Variants in MMP16 observed in about 807,000 individuals in gnomAD.
MMP16 encodes matrix metallopeptidase 16.
In MMP16, 12 loss-of-function variants were observed where a neutral mutation model predicts 67.8. That is an observed-to-expected ratio of 0.18 (90% CI 0.11 to 0.29). The LOEUF is 0.29. MMP16 is among the 10% of genes least tolerant of loss of function. MMP16 has a pLI of 1.00. For missense variants in MMP16, 475 were observed against 765.7 expected, an observed-to-expected ratio of 0.62 and a Z score of 4.48; for synonymous variants, 249 against 255.9, an observed-to-expected ratio of 0.97 and a Z score of 0.26.
intron 8 of MMP16, among the ~76,000 whole-genome samples, chr8:88,051,527 G>C (rs28531917): frequency 0.23 from 35,188 of 151,930 alleles, 4,188 homozygotes; most frequent in East Asian, 0.29. Context: ...CTTAATCAAT[G>C]CCCCAAAGTC....
chr8:88,075,943 AC>A (rs1808642600), intron 6 of MMP16, among the ~76,000 whole-genome samples: 2 of 124,908 alleles, frequency 1.6e-5, no homozygotes, highest in Admixed American at 1.5e-4. Context: ...ATTCATACAC[AC>A]ACACACACAC....
chr8:88,282,178 G>A (rs1373207758), intron 1 of MMP16, among the ~76,000 whole-genome samples: 1 of 150,606 alleles, frequency 6.6e-6, no homozygotes, highest in African/African-American at 2.5e-5. Context: ...GGACTCAAGC[G>A]ATTCTCCTGC....
At chr8:88,089,941 T>C (rs972763842) in intron 6 of MMP16, among the ~76,000 whole-genome samples, 5 of 152,050 alleles carry the variant, frequency 3.3e-5, no homozygotes, top group Non-Finnish European at 5.9e-5. Context: ...AAATTCCTTT[T>C]TGCTCAATCA....
intron 8 of MMP16, among the ~76,000 whole-genome samples, chr8:88,051,663 A>T (rs1808272818): frequency 6.6e-6 from 1 of 152,188 alleles, no homozygotes; most frequent in Non-Finnish European, 1.5e-5. Context: ...CATAACACTT[A>T]AGCTGGAAGA....
intron 7 of MMP16, among the ~76,000 whole-genome samples, chr8:88,065,016 C>T (rs1006242129): frequency 6.6e-6 from 1 of 152,078 alleles, no homozygotes; most frequent in African/African-American, 2.4e-5. Flanking sequence ...CAGCCTCCCA[C>T]CAAAGACTGA....
intron 2 of MMP16, among the ~76,000 whole-genome samples, chr8:88,196,036 G>A (rs1049232351): frequency 1.3e-5 from 2 of 152,114 alleles, no homozygotes; most frequent in African/African-American, 4.8e-5. Context: ...GGTATTTAAG[G>A]TTTAAAAAGA....
At chr8:88,076,872 T>C (rs972839647) in intron 6 of MMP16, among the ~76,000 whole-genome samples, 12 of 152,114 alleles carry the variant, frequency 7.9e-5, no homozygotes, top group Admixed American at 7.9e-4. Context: ...CTCTCCAAGC[T>C]GAAGAATGGG....
Position 88,196,086 on chromosome 8 carries a change from G to A in MMP16, c.281+1072C>T, listed in dbSNP as rs80015352. On this transcript the variant is annotated intron_variant, in intron 2 of 9. Transcript: ENST00000286614. ...TTTCTCAAGGTATATAGCAGGGCAAGTTCCCCAGATCAAATGTCAAAAGAC... is the reference window on the plus strand; with the variant it reads ...TTTCTCAAGGTATATAGCAGGGCAAATTCCCCAGATCAAATGTCAAAAGAC... Among the ~76,000 whole-genome samples, 11 of 152,304 alleles carry A rather than the reference G, an allele frequency of 7.2e-5. No homozygotes were observed. The East Asian group carries it at 2.1e-3, about 29-fold the overall frequency.
At chr8:88,228,135 A>C (rs1809799574) in intron 1 of MMP16, among the ~76,000 whole-genome samples, 1 of 152,122 alleles carries the variant, frequency 6.6e-6, no homozygotes. Flanking sequence ...CAATGCTAAA[A>C]AGGGAGCACT....
intron 1 of MMP16, among the ~76,000 whole-genome samples, chr8:88,295,734 TA>T (rs1811002309): frequency 6.6e-6 from 1 of 152,216 alleles, no homozygotes; most frequent in African/African-American, 2.4e-5. Flanking sequence ...TCTGTTTTTC[TA>T]AAACACATGT....
intron 5 of MMP16, among the ~76,000 whole-genome samples, chr8:88,118,323 T>G (rs1294467328): frequency 6.6e-6 from 1 of 152,032 alleles, no homozygotes; most frequent in Non-Finnish European, 1.5e-5. Context: ...TGTAGAAAAG[T>G]CTCAGCATTT....
chr8:88,141,826 T>C (rs1385558664), intron 4 of MMP16, among the ~76,000 whole-genome samples: 1 of 152,098 alleles, frequency 6.6e-6, no homozygotes, highest in African/African-American at 2.4e-5. Flanking sequence ...TTAAGTTCTT[T>C]AAAAATGTTC....
intron 4 of MMP16, among the ~76,000 whole-genome samples, chr8:88,151,725 G>A (rs996656512): frequency 6.6e-6 from 1 of 151,684 alleles, no homozygotes; most frequent in Non-Finnish European, 1.5e-5. Context: ...TGTGTAGAGG[G>A]AAATTTATAG....
At chr8:88,321,432 T>C (rs1296689354) in intron 1 of MMP16, among the ~76,000 whole-genome samples, 1 of 152,180 alleles carries the variant, frequency 6.6e-6, no homozygotes, top group African/African-American at 2.4e-5. Context: ...TGGCACTAAA[T>C]TATATTTTTT....
chr8:88,102,828 A>T (rs2118383570), intron 6 of MMP16, among the ~76,000 whole-genome samples: 1 of 151,912 alleles, frequency 6.6e-6, no homozygotes, highest in Admixed American at 6.6e-5. Flanking sequence ...CACTTGCCCA[A>T]ATCTCTTTTT....
At chr8:88,080,039 A>G (rs1200886563) in intron 6 of MMP16, among the ~76,000 whole-genome samples, 1 of 152,230 alleles carries the variant, frequency 6.6e-6, no homozygotes, top group Non-Finnish European at 1.5e-5. Context: ...TTGACTTCAC[A>G]GCACTTACAC....
At chr8:88,132,133 A>AT (rs1210906569) in intron 4 of MMP16, among the ~76,000 whole-genome samples, 10 of 151,822 alleles carry the variant, frequency 6.6e-5, no homozygotes, top group Admixed American at 1.3e-4. Context: ...AGAAATAGAG[A>AT]TTTTTTAAAA....
intron 4 of MMP16, among the ~76,000 whole-genome samples, chr8:88,157,223 C>T (rs978102136): frequency 2.6e-5 from 4 of 152,098 alleles, no homozygotes; most frequent in African/African-American, 9.7e-5. Context: ...CAGATATGTA[C>T]AGACTCTTTA....
In MMP16 at chr8:88,034,076, A is replaced by G. The variant is rs543491101; in HGVS notation, c.*7385T>C. 7 of 152,110 alleles carry G rather than the reference A, an allele frequency of 4.6e-5. No homozygotes were observed. The South Asian group carries it at 6.2e-4, about 14-fold the overall frequency. The allele number at this position is 152,110 out of a possible 1,614,324, so 9.4% of individuals were successfully genotyped here. ...GCTCTATAAAAAGTTAGAAAAGCCA[A>G]TGAGAGAGGTTGGGATGTATGTCAA... On this transcript the variant is annotated 3_prime_UTR_variant, in exon 10 of 10. Coordinates refer to ENST00000286614, the MANE Select transcript of MMP16 (RefSeq NM_005941.5).
Sources: gnomAD v4.1 joint callset for allele counts (sites outside exome capture counted in the v4.1 genomes callset) on GRCh38, gnomAD v4.1.1 for gene constraint, MANE v1.5 for transcripts, NCBI Gene and HGNC (gene_info 2026-07-23, HGNC 2026-07-21) for gene names.